The following RAB3GAP1 variants were observed in gnomAD, a reference collection of about 807,000 sequenced individuals.
RAB3GAP1 encodes the protein rab3 GTPase-activating protein catalytic subunit.
RAB3GAP1 carries 86 observed loss-of-function variants against 130.7 expected under a neutral mutation model. That is an observed-to-expected ratio of 0.66 (90% confidence interval 0.55 to 0.79). RAB3GAP1 has a LOEUF of 0.79. RAB3GAP1 is among the 30% of genes least tolerant of loss of function. RAB3GAP1 has a pLI of 0.00. For missense variants in RAB3GAP1, 1,029 were observed against 1,169.4 expected (o/e 0.88, Z 1.75); for synonymous variants, 367 against 401.7 (o/e 0.91, Z 1.03).
At chr2:135,106,912 C>A (rs1241236844) in intron 5 of RAB3GAP1, among the ~76,000 whole-genome samples, 1 of 150,826 alleles carries the variant, frequency 6.6e-6, no homozygotes, top group Non-Finnish European at 1.5e-5. Flanking sequence ...AGGATAAACA[C>A]AAAAGAGAAC....
At chr2:135,103,326 C>T (rs1415119794) in intron 5 of RAB3GAP1, among the ~76,000 whole-genome samples, 1 of 152,020 alleles carries the variant, frequency 6.6e-6, no homozygotes, top group Non-Finnish European at 1.5e-5. Flanking sequence ...CACGAGCCAC[C>T]GTGCCCAGCC....
chr2:135,117,630 G>GCTT (rs1691045336), intron 7 of RAB3GAP1, among the ~76,000 whole-genome samples: 1 of 17,428 alleles, frequency 5.7e-5, no homozygotes, highest in Non-Finnish European at 1.4e-4. Context: ...TGCTTCTTCT[G>GCTT]CTTCTGCTTC....
At chr2:135,064,536 T>C (rs1487106123) in intron 3 of RAB3GAP1, among the ~76,000 whole-genome samples, 1 of 152,166 alleles carries the variant, frequency 6.6e-6, no homozygotes, top group Non-Finnish European at 1.5e-5. Context: ...TTGATTCTTA[T>C]GAAAAACTTC....
chr2:135,093,671 A>G lies in RAB3GAP1; in HGVS notation c.340A>G (p.Arg114Gly), dbSNP rs1399497070. 1 of 1,612,810 alleles carries G rather than the reference A, an allele frequency of 6.2e-7. No individual in the cohort carries two copies. Among genetic ancestry groups the G allele is most frequent in the Non-Finnish European group, 8.5e-7 (1 of 1,178,912 alleles). ...GGGTATGAATAATGACTTTCCTCCA[A>G]GAGCACATTGCCTGGTAAGATGGTA... ...LLGMNNDFPP[R>G]AHCLVRWYGL... is the part of the protein sequence containing the mutation. Residue 114 changes from arginine to glycine, a missense_variant, in exon 5 of 24, where the codon AGA (arginine) becomes GGA (glycine). Transcript: ENST00000264158.
intron 19 of RAB3GAP1, among the ~76,000 whole-genome samples, chr2:135,156,313 G>C (rs1336975731): frequency 6.6e-6 from 1 of 152,078 alleles, no homozygotes; most frequent in African/African-American, 2.4e-5. Flanking sequence ...ATAATAATTG[G>C]AGGAAATTTT....
intron 8 of RAB3GAP1, 151 bp downstream of exon 8, chr2:135,121,069 C>G: frequency 5.8e-6 from 4 of 694,060 alleles, no homozygotes; most frequent in Non-Finnish European, 7.4e-6. Flanking sequence ...GCTTTCATTG[C>G]CCTTATTTTT....
rs113699503 is a variant in RAB3GAP1 at position 135,067,509 on chromosome 2, G to A, written c.150+9423G>A. On this transcript the variant is annotated intron_variant, in intron 3 of 23. Transcript: ENST00000264158. ...TGATTCATTCAAATTGGAAGTTTTG[G>A]GAATCTTGCTGTTATTGTTGTCAAC... Among the ~76,000 whole-genome samples, 453 of 152,182 alleles carry A rather than the reference G, an allele frequency of 3.0e-3. 3 individuals are homozygous for A. Among genetic ancestry groups the A allele is most frequent in the African/African-American group, 0.01 (422 of 41,510 alleles).
intron 3 of RAB3GAP1, among the ~76,000 whole-genome samples, chr2:135,076,020 C>T (rs910017821): frequency 1.3e-5 from 2 of 151,070 alleles, no homozygotes; most frequent in Non-Finnish European, 2.9e-5. Flanking sequence ...AAGTGATTCT[C>T]CTGCCTCAGC....
chr2:135,163,732 G>T (rs548522255), intron 22 of RAB3GAP1, among the ~76,000 whole-genome samples: 2 of 152,214 alleles, frequency 1.3e-5, no homozygotes, highest in African/African-American at 4.8e-5. Flanking sequence ...GTGTGATAAA[G>T]TGTTCACAAA....
intron 3 of RAB3GAP1, among the ~76,000 whole-genome samples, chr2:135,085,956 C>T (rs1191195113): frequency 6.6e-6 from 1 of 152,162 alleles, no homozygotes; most frequent in East Asian, 1.9e-4. Context: ...GTTTTGACTT[C>T]CTTCACTGTA....
At chr2:135,054,832 A>G (rs546809274) in intron 2 of RAB3GAP1, among the ~76,000 whole-genome samples, 62 of 152,352 alleles carry the variant, frequency 4.1e-4, no homozygotes, top group Non-Finnish European at 7.4e-4. Context: ...TGGCTTTTAC[A>G]CTGTAGTGTG....
intron 3 of RAB3GAP1, among the ~76,000 whole-genome samples, chr2:135,082,265 C>T (rs1689847028): frequency 6.6e-6 from 1 of 152,014 alleles, no homozygotes; most frequent in African/African-American, 2.4e-5. Context: ...ATAGAGTTGT[C>T]AACCATTACC....
At chr2:135,103,394 C>T (rs62170173) in intron 5 of RAB3GAP1, among the ~76,000 whole-genome samples, 176 of 152,090 alleles carry the variant, frequency 1.2e-3, no homozygotes, top group South Asian at 2.3e-3. Flanking sequence ...TGTAAAAGAA[C>T]CTGACAGTTT....
intron 2 of RAB3GAP1, among the ~76,000 whole-genome samples, chr2:135,056,412 G>A (rs905540346): frequency 6.6e-6 from 1 of 151,738 alleles, no homozygotes; most frequent in Non-Finnish European, 1.5e-5. Context: ...CACCATCTTG[G>A]ACAAACTGGT....
intron 6 of RAB3GAP1, among the ~76,000 whole-genome samples, chr2:135,114,524 A>G (rs1477985381): frequency 2.0e-5 from 3 of 152,248 alleles, no homozygotes; most frequent in African/African-American, 4.8e-5. Flanking sequence ...AGTTGCCACA[A>G]ACACTGAGTT....
chr2:135,105,648 C>A (rs1164205358), intron 5 of RAB3GAP1, among the ~76,000 whole-genome samples: 2 of 152,160 alleles, frequency 1.3e-5, no homozygotes, highest in Non-Finnish European at 1.5e-5. Context: ...TCTGCCCGGC[C>A]GCCACCCCAT....
Position 135,135,290 on chromosome 2 carries a change from A to T in RAB3GAP1, c.1525A>T (p.Arg509Trp). The T allele has an allele frequency of 2.5e-6, 4 of 1,611,374 alleles. 1 individual carries two copies. The South Asian group carries it at 3.3e-5, about 13-fold the overall frequency. Residue 509 changes from arginine (R) to tryptophan (W), a missense_variant, in exon 16 of 24, where the codon AGG (arginine) becomes TGG (tryptophan). Transcript: ENST00000264158. ...PGLASGPPDL[R>W]CCLLHQKLQM... ...ATTAGCAAGTGGACCCCCAGATCTG[A>T]GGTGTTGTTTACTGCATCAGAAACT...
intron 3 of RAB3GAP1, among the ~76,000 whole-genome samples, chr2:135,083,074 A>G (rs2104862482): frequency 6.6e-6 from 1 of 151,846 alleles, no homozygotes; most frequent in East Asian, 1.9e-4. Flanking sequence ...AAATTGTTGT[A>G]TTGATGTTTT....
At chr2:135,123,780 G>A (rs1185213515) in intron 8 of RAB3GAP1, among the ~76,000 whole-genome samples, 1 of 152,084 alleles carries the variant, frequency 6.6e-6, no homozygotes, top group African/African-American at 2.4e-5. Flanking sequence ...TAGCAAAACT[G>A]ATTAATGTAG....
Sources: allele counts gnomAD v4.1 joint callset (sites outside exome capture counted in the v4.1 genomes callset), GRCh38; gene constraint gnomAD v4.1.1; transcripts MANE v1.5; gene names NCBI Gene and HGNC (gene_info 2026-07-23, HGNC 2026-07-21).